The following STRN3 variants were observed in gnomAD, a reference collection of about 807,000 sequenced individuals.
STRN3 encodes striatin-3.
A neutral mutation model predicts 95.6 loss-of-function variants in STRN3; 29 were observed. The ratio of observed to expected loss-of-function variants is 0.30; its 90% CI spans 0.23 to 0.41. The LOEUF is 0.41. STRN3 is among the 10% of genes least tolerant of loss of function. The pLI is 1.00. For synonymous variants in STRN3, 331 were observed against 357.6 expected (o/e 0.93, Z 0.84); for missense variants, 890 against 972.1 (o/e 0.92, Z 1.12).
intron 1 of STRN3, among the ~76,000 whole-genome samples, chr14:30,996,640 G>A (rs1443285562): frequency 6.6e-6 from 1 of 152,148 alleles, no homozygotes. Context: ...GGCCAAGGCG[G>A]GTGGATCACG....
intron 8 of STRN3, among the ~76,000 whole-genome samples, chr14:30,919,714 T>A (rs1221496048): frequency 6.6e-6 from 1 of 152,158 alleles, no homozygotes; most frequent in East Asian, 1.9e-4. Flanking sequence ...AAACCTGATT[T>A]ATCCATGAGA....
intron 10 of STRN3, among the ~76,000 whole-genome samples, chr14:30,912,900 GAA>G (rs1019324570): frequency 6.6e-6 from 1 of 150,626 alleles, no homozygotes; most frequent in Non-Finnish European, 1.5e-5. Flanking sequence ...ATTATAAAAA[GAA>G]AAAAAAATTG....
chr14:30,941,128 T>C (rs1879072301), intron 5 of STRN3, among the ~76,000 whole-genome samples: 1 of 152,166 alleles, frequency 6.6e-6, no homozygotes, highest in Admixed American at 6.5e-5. Context: ...GCTGACACAT[T>C]GATCTTAGAC....
At position 30,950,622 on chromosome 14, in the gene STRN3, T is replaced by C. The variant is rs141580685; in HGVS notation, c.542+241A>G. 3.3e-3 allele frequency among the ~76,000 whole-genome samples: 502 copies of C among 152,306 alleles called. 3 individuals are homozygous for C. Among genetic ancestry groups the C allele is most frequent in the Non-Finnish European group, 5.4e-3 (365 of 68,016 alleles). On this transcript the variant is annotated intron_variant, in intron 4 of 17. Transcript: ENST00000357479. ...TCAAGTATGAATTTTATATTGTTTT[T>C]GTTCTGCTCAAGTCATCCAGTCTTT...
chr14:31,026,349 G>A lies in STRN3; in HGVS notation c.-164C>T. The A allele has an allele frequency of 1.6e-6, 1 of 633,624 alleles. No individual in the cohort carries two copies. The allele number at this position is 633,624 out of a possible 1,614,324, so 39.3% of individuals were successfully genotyped here. A position where few individuals can be genotyped will look rare whatever the true frequency, so the allele number is the denominator to read the frequency against. ...CCGTGGGTCAGAGCAGGGAGCTGCC[G>A]GCTGCCGCCATTACAATCCCTCCTC... On this transcript the variant is annotated 5_prime_UTR_variant, in exon 1 of 18. Transcript: ENST00000357479.
chr14:30,911,104 T>C lies in STRN3; in HGVS notation c.1657A>G (p.Ile553Val), dbSNP rs765165739. Residue 553 changes from isoleucine to valine, a missense_variant, in exon 13 of 18, where the codon ATT (isoleucine) becomes GTT (valine). Physicochemically the swap from Ile to Val is conservative, Grantham distance 29 (BLOSUM62 3). Coordinates refer to ENST00000357479, the MANE Select transcript of STRN3 (RefSeq NM_001083893.2). ...TTCCACCACTGGATGGTTGCATCAA[T>C]ACCACCACTAAAACACTGTTCTCCA... is the stretch of plus-strand genomic sequence containing the variant. Reference protein sequence around the residue: ...SNGEQCFSGGIDATIQWWNMP... With the variant: ...SNGEQCFSGGVDATIQWWNMP... The C allele has an allele frequency of 8.7e-6, 14 of 1,613,984 alleles. No individual in the cohort carries two copies. The Admixed American group carries it at 1.2e-4, about 13-fold the overall frequency.
intron 8 of STRN3, among the ~76,000 whole-genome samples, chr14:30,927,619 T>G (rs941273332): frequency 1.1e-4 from 16 of 145,662 alleles, no homozygotes; most frequent in Non-Finnish European, 2.1e-4. Flanking sequence ...CTTTATTTCT[T>G]TAAAAAAAAA....
Position 30,894,893 on chromosome 14 carries a change from C to CTTTTTT in STRN3, c.*512_*517dup. ...ATATTTTAAGTTAAATTTTCTTTTT[C>CTTTTTT]TTTTTTTTTTTTTTTAAAGCAAAAT... On this transcript the variant is annotated 3_prime_UTR_variant, in exon 18 of 18. Transcript: ENST00000357479. 1.3e-6 allele frequency: 1 copy of CTTTTTT among 741,624 alleles called. No individual in the cohort carries two copies. Among genetic ancestry groups the CTTTTTT allele is most frequent in the Admixed American group, 4.6e-5 (1 of 21,674 alleles). 45.9% of individuals were successfully genotyped at this position (741,624 alleles called of 1,614,324 possible). A position where few individuals can be genotyped will look rare whatever the true frequency, so the allele number is the denominator to read the frequency against.
intron 1 of STRN3, among the ~76,000 whole-genome samples, chr14:31,021,772 G>T (rs2139357362): frequency 6.6e-6 from 1 of 152,326 alleles, no homozygotes; most frequent in Admixed American, 6.5e-5. Flanking sequence ...CAATTTGAAG[G>T]TCAATCATGA....
chr14:30,965,584 C>A (rs1006391626), intron 1 of STRN3, among the ~76,000 whole-genome samples: 1 of 151,974 alleles, frequency 6.6e-6, no homozygotes, highest in African/African-American at 2.4e-5. Context: ...CTTTGGGAGG[C>A]TGAGGCAGAT....
rs1896075828 is a variant in STRN3, at chr14:30,894,547, T to C, written c.*864A>G. On this transcript the variant is annotated 3_prime_UTR_variant, in exon 18 of 18. Transcript: ENST00000357479. ...GTGATAGGATGCCAAGATTAGTTTTTTTCTTTAAGAGTTCATTTGGAGTAC... is the reference window on the plus strand; with the variant it reads ...GTGATAGGATGCCAAGATTAGTTTTCTTCTTTAAGAGTTCATTTGGAGTAC... 1 of 152,808 alleles carries C rather than the reference T, an allele frequency of 6.5e-6. No individual in the cohort carries two copies. The highest frequency in any genetic ancestry group is 1.9e-4 in the East Asian group (1 of 5,212). 9.5% of individuals were successfully genotyped at this position (152,808 alleles called of 1,614,324 possible). A position where few individuals can be genotyped will look rare whatever the true frequency, so the allele number is the denominator to read the frequency against.
rs115466279 is a variant in STRN3 at position 30,981,552 on chromosome 14, G to A, written c.283-25310C>T. ...AGAGTTTCAAAACCTAGCTAATTAT[G>A]AGAATCACAAGGTAGCTTAGAATTC... On this transcript the variant is annotated intron_variant, in intron 1 of 17. Transcript: ENST00000357479. Among the ~76,000 whole-genome samples the A allele has an allele frequency of 3.4e-3, 504 of 148,450 alleles. 3 individuals carry two copies. Among genetic ancestry groups the A allele is most frequent in the African/African-American group, 0.011 (450 of 40,054 alleles).
chr14:30,913,509 T>A lies in STRN3; in HGVS notation c.1374+15A>T. 1 of 1,567,968 alleles carries A rather than the reference T, an allele frequency of 6.4e-7. No homozygotes were observed. The highest frequency in any genetic ancestry group is 8.6e-7 in the Non-Finnish European group (1 of 1,162,126). On this transcript the variant is annotated intron_variant, in intron 10 of 17. Transcript: ENST00000357479. ...TATTAAATCATTAAAAAATTAAAAATAAAACTGCACTTACATCATAACTAT... is the reference window on the plus strand; with the variant it reads ...TATTAAATCATTAAAAAATTAAAAAAAAAACTGCACTTACATCATAACTAT...
chr14:30,907,059 AAC>A lies in STRN3; in HGVS notation c.1721-17_1721-16del. ...AACATTTGGCTCTGGGGAAAAAACA[AAC>A]AAACAAAAAATTAGGTAAAAGAAGT... On this transcript the variant is annotated splice_polypyrimidine_tract_variant and intron_variant, in intron 13 of 17. Coordinates refer to ENST00000357479, the MANE Select transcript of STRN3 (RefSeq NM_001083893.2). 2.5e-6 allele frequency: 4 copies of A among 1,595,348 alleles called. No homozygotes were observed. The highest frequency in any genetic ancestry group is 3.4e-6 in the Non-Finnish European group (4 of 1,174,740).
chr14:30,968,424 G>C (rs1880649153), intron 1 of STRN3, among the ~76,000 whole-genome samples: 1 of 148,920 alleles, frequency 6.7e-6, no homozygotes, highest in African/African-American at 2.5e-5. Context: ...GCTCATGCCT[G>C]TAATCCCAAC....
intron 1 of STRN3, among the ~76,000 whole-genome samples, chr14:31,022,223 C>CA (rs905585048): frequency 4.6e-5 from 7 of 151,616 alleles, no homozygotes; most frequent in African/African-American, 1.5e-4. Flanking sequence ...ACTAAAAATA[C>CA]AAAAAAATTA....
intron 1 of STRN3, among the ~76,000 whole-genome samples, chr14:31,018,021 T>C (rs1883323212): frequency 1.4e-5 from 2 of 147,708 alleles, no homozygotes; most frequent in South Asian, 2.1e-4. Flanking sequence ...GAGGTTACAG[T>C]GAGCCGGGAT....
At chr14:30,975,317 G>A (rs565981333) in intron 1 of STRN3, among the ~76,000 whole-genome samples, 20 of 151,652 alleles carry the variant, frequency 1.3e-4, no homozygotes, top group Non-Finnish European at 1.5e-4. Flanking sequence ...GGAAAACCAA[G>A]CATTGTATGT....
chr14:31,017,180 A>T (rs1883279604), intron 1 of STRN3, among the ~76,000 whole-genome samples: 1 of 151,890 alleles, frequency 6.6e-6, no homozygotes, highest in Non-Finnish European at 1.5e-5. Context: ...AAAGTGTAAC[A>T]ACTATTTACA....
Sources: allele counts gnomAD v4.1 joint callset (sites outside exome capture counted in the v4.1 genomes callset), GRCh38; gene constraint gnomAD v4.1.1; transcripts MANE v1.5; gene names NCBI Gene and HGNC (gene_info 2026-07-23, HGNC 2026-07-21).